The following GLIS3 variants were observed in gnomAD, a reference collection of about 807,000 sequenced individuals.
GLIS3 encodes zinc finger protein GLIS3.
A neutral mutation model predicts 78.6 loss-of-function variants in GLIS3; 53 were observed. The ratio of observed to expected loss-of-function variants is 0.67; its 90% confidence interval spans 0.54 to 0.85. The LOEUF is 0.85. GLIS3 is among the 40% of genes least tolerant of loss of function. The pLI, the probability that GLIS3 is intolerant of heterozygous loss-of-function variation, is 0.00. For missense variants in GLIS3, 1,703 were observed against 1,231.1 expected, an observed-to-expected ratio of 1.38 and a Z score of -5.74; for synonymous variants, 684 against 509.9, an observed-to-expected ratio of 1.34 and a Z score of -4.60.
At chr9:4,170,856 T>G (rs952932614) in intron 2 of GLIS3, among the ~76,000 whole-genome samples, 2 of 152,178 alleles carry the variant, frequency 1.3e-5, no homozygotes, top group Non-Finnish European at 2.9e-5. Flanking sequence ...GAAATCCTCA[T>G]GAATTCTCAT....
intron 2 of GLIS3, among the ~76,000 whole-genome samples, chr9:4,202,157 T>TC (rs1298864327): frequency 1.4e-5 from 2 of 146,630 alleles, no homozygotes; most frequent in African/African-American, 2.5e-5. Context: ...TTTTTCTTTT[T>TC]TTTTTTTTTT....
intron 9 of GLIS3, among the ~76,000 whole-genome samples, chr9:3,838,064 C>G (rs1818464239): frequency 6.6e-6 from 1 of 152,152 alleles, no homozygotes; most frequent in Non-Finnish European, 1.5e-5. Context: ...GAACCCAAAA[C>G]TGCTCTGAAA....
chr9:4,055,900 C>G (rs568653334), intron 4 of GLIS3, among the ~76,000 whole-genome samples: 1 of 152,034 alleles, frequency 6.6e-6, no homozygotes, highest in Non-Finnish European at 1.5e-5. Context: ...GAATGAACAT[C>G]GATGGCAGTG....
intron 4 of GLIS3, among the ~76,000 whole-genome samples, chr9:4,046,131 C>T (rs948755387): frequency 2.0e-5 from 3 of 152,134 alleles, no homozygotes; most frequent in Non-Finnish European, 4.4e-5. Flanking sequence ...TTTATAAGGT[C>T]TCTTATGGCA....
Position 4,181,924 on chromosome 9 carries a change from G to A in GLIS3, c.389-55983C>T, listed in dbSNP as rs77344791. On this transcript the variant is annotated intron_variant, in intron 2 of 10. Transcript: ENST00000381971. ...CCAACCGAGTTAGCCCAGACCATAA[G>A]AAGCACTCAGTCAACCCACAGAATT... Among the ~76,000 whole-genome samples the A allele has an allele frequency of 2.0e-4, 30 of 152,280 alleles. No individual in the cohort carries two copies. The East Asian group carries it at 4.6e-3, about 24-fold the overall frequency.
intron 4 of GLIS3, chr9:4,054,292 C>A (rs554301888): frequency 1.0e-6 from 1 of 972,584 alleles, no homozygotes; most frequent in South Asian, 4.8e-5. Context: ...CCAGAGCCTG[C>A]AAACAACGTA....
intron 2 of GLIS3, among the ~76,000 whole-genome samples, chr9:4,205,969 T>C (rs886764812): frequency 6.6e-6 from 1 of 152,194 alleles, no homozygotes; most frequent in South Asian, 2.1e-4. Flanking sequence ...TTTTTGTTCA[T>C]TGTTTGTTTG....
the GLIS3 span, among the ~76,000 whole-genome samples, chr9:4,483,966 A>G: frequency 6.6e-6 from 1 of 152,220 alleles, no homozygotes; most frequent in East Asian, 1.9e-4. Context: ...GAGAGGACCA[A>G]GTGAATTAGT....
At chr9:4,172,955 G>A (rs1816500407) in intron 2 of GLIS3, among the ~76,000 whole-genome samples, 1 of 152,146 alleles carries the variant, frequency 6.6e-6, no homozygotes, top group Admixed American at 6.6e-5. Context: ...TCCGAGAAAA[G>A]CCAAATTCTG....
intron 2 of GLIS3, among the ~76,000 whole-genome samples, chr9:4,171,151 A>C (rs1816337960): frequency 6.6e-6 from 1 of 152,186 alleles, no homozygotes; most frequent in African/African-American, 2.4e-5. Flanking sequence ...ATCAGTTTCC[A>C]TCATTAAAGG....
intron 2 of GLIS3, among the ~76,000 whole-genome samples, chr9:4,214,556 G>T (rs1376176370): frequency 1.3e-5 from 2 of 152,170 alleles, no homozygotes; most frequent in Non-Finnish European, 2.9e-5. Context: ...ACGCCAGGAG[G>T]AACAACAGAA....
At chr9:4,429,645 G>A in the GLIS3 span, among the ~76,000 whole-genome samples, 16 of 152,128 alleles carry the variant, frequency 1.1e-4, no homozygotes, top group African/African-American at 1.7e-4. Context: ...TTAGTTCTGC[G>A]TCCCCCAGTA....
At chr9:4,088,591 T>C (rs1032001253) in intron 4 of GLIS3, among the ~76,000 whole-genome samples, 1 of 152,234 alleles carries the variant, frequency 6.6e-6, no homozygotes, top group South Asian at 2.1e-4. Flanking sequence ...AACTGGCTAA[T>C]CCCCATTGTA....
intron 4 of GLIS3, chr9:4,034,441 G>C (rs650816): frequency 0.58 from 87,407 of 151,950 alleles, 25,285 homozygotes; most frequent in East Asian, 0.73. Context: ...TCAGAGCAGG[G>C]ATATGTTAAT....
intron 6 of GLIS3, among the ~76,000 whole-genome samples, chr9:3,924,485 C>A (rs1825094336): frequency 6.6e-6 from 1 of 152,220 alleles, no homozygotes; most frequent in Admixed American, 6.5e-5. Flanking sequence ...ATCCAAACAC[C>A]ACTCTAAGAC....
chr9:4,354,311 G>C, the GLIS3 span, among the ~76,000 whole-genome samples: 7 of 152,108 alleles, frequency 4.6e-5, no homozygotes, highest in Non-Finnish European at 5.9e-5. Flanking sequence ...ATGAGATTTA[G>C]TTCGCACTCT....
intron 2 of GLIS3, among the ~76,000 whole-genome samples, chr9:4,344,760 C>T (rs931757695): frequency 9.9e-5 from 15 of 152,206 alleles, no homozygotes; most frequent in African/African-American, 3.4e-4. Flanking sequence ...AAATAGGTCC[C>T]TTACCACAAT....
At chr9:3,856,759 A>C (rs1449132931) in intron 8 of GLIS3, among the ~76,000 whole-genome samples, 2 of 152,230 alleles carry the variant, frequency 1.3e-5, no homozygotes, top group Non-Finnish European at 2.9e-5. Flanking sequence ...TGAAACCCAC[A>C]ACCCACGAAA....
At position 3,925,588 on chromosome 9, in the gene GLIS3, T is replaced by TGTGTGTGC. The variant is rs530128400; in HGVS notation, c.1983+6764_1983+6771dup. Among the ~76,000 whole-genome samples the TGTGTGTGC allele has an allele frequency of 9.3e-5, 14 of 150,042 alleles. No individual in the cohort carries two copies. In the South Asian group the frequency reaches 3.0e-3, roughly 32 times the overall value. ...TGAATGGGTGTGTCTACATGGTCAGTGTGTGTGCGTGTGCGCGCGTGTGTG... is the reference window on the plus strand; with the variant it reads ...TGAATGGGTGTGTCTACATGGTCAGTGTGTGTGCGTGTGTGCGTGTGCGCGCGTGTGTG... On this transcript the variant is annotated intron_variant, in intron 6 of 10. Transcript: ENST00000381971.
Sources: allele counts gnomAD v4.1 joint callset (sites outside exome capture counted in the v4.1 genomes callset), GRCh38; gene constraint gnomAD v4.1.1; transcripts MANE v1.5; gene names NCBI Gene and HGNC (gene_info 2026-07-23, HGNC 2026-07-21).